Variants in PKHD1 observed in about 807,000 individuals in gnomAD.
The protein encoded by PKHD1 is PKHD1 ciliary IPT domain containing fibrocystin/polyductin.
A neutral mutation model predicts 412.0 loss-of-function variants in PKHD1; 291 were observed. That is an observed-to-expected ratio of 0.71 (90% CI 0.64 to 0.78). The LOEUF is 0.78. Ranked by LOEUF, PKHD1 falls within the 30% of genes least tolerant of loss-of-function variation. The pLI, the probability that PKHD1 is intolerant of heterozygous loss-of-function variation, is 0.00. For missense variants in PKHD1, 4,825 were observed against 4,950.7 expected, an observed-to-expected ratio of 0.97 and a Z score of 0.76; for synonymous variants, 1,777 against 1,821.5, an observed-to-expected ratio of 0.98 and a Z score of 0.62.
At chr6:51,860,361 T>G (rs1210710120) in intron 48 of PKHD1, among the ~76,000 whole-genome samples, 3 of 152,166 alleles carry the variant, frequency 2.0e-5, no homozygotes, top group Non-Finnish European at 2.9e-5. Flanking sequence ...TGGAGGGGTC[T>G]TCTGAAAAGC....
chr6:52,000,116 A>G (rs544308900), intron 35 of PKHD1, among the ~76,000 whole-genome samples: 1 of 152,366 alleles, frequency 6.6e-6, no homozygotes, highest in African/African-American at 2.4e-5. Context: ...ATAAAATAAC[A>G]TATTGACATA....
intron 37 of PKHD1, among the ~76,000 whole-genome samples, chr6:51,928,887 G>C (rs1370031945): frequency 6.6e-6 from 1 of 152,104 alleles, no homozygotes; most frequent in African/African-American, 2.4e-5. Flanking sequence ...CCTGCGTTTT[G>C]ATTACAAGAA....
chr6:52,083,962 C>A (rs1582163945), intron 2 of PKHD1, among the ~76,000 whole-genome samples: 1 of 151,446 alleles, frequency 6.6e-6, no homozygotes, highest in Admixed American at 6.6e-5. Flanking sequence ...CTGGAATTTC[C>A]TTTTGTTTAA....
chr6:51,945,774 G>C (rs1248800746), intron 36 of PKHD1, among the ~76,000 whole-genome samples: 1 of 152,154 alleles, frequency 6.6e-6, no homozygotes, highest in Admixed American at 6.5e-5. Flanking sequence ...AGCAGAATGT[G>C]GCTAAGAGGC....
intron 23 of PKHD1, among the ~76,000 whole-genome samples, 174 bp downstream of exon 23, chr6:52,048,318 A>G (rs1806187354): frequency 1.3e-5 from 2 of 152,226 alleles, no homozygotes; most frequent in African/African-American, 2.4e-5. Context: ...AGCATTAACA[A>G]TAAGTCCCTT....
intron 53 of PKHD1, among the ~76,000 whole-genome samples, chr6:51,789,831 A>C (rs1255823417): frequency 2.0e-5 from 3 of 152,228 alleles, no homozygotes; most frequent in African/African-American, 7.2e-5. Context: ...ATGAAGGGCT[A>C]TAGAATTAAA....
intron 36 of PKHD1, among the ~76,000 whole-genome samples, chr6:51,946,612 C>T (rs1011216627): frequency 6.6e-6 from 1 of 152,144 alleles, no homozygotes; most frequent in South Asian, 2.1e-4. Context: ...AAATAAAGAG[C>T]AGGGCTGAAA....
intron 35 of PKHD1, among the ~76,000 whole-genome samples, chr6:51,977,279 C>G (rs1036199350): frequency 1.3e-5 from 2 of 152,130 alleles, no homozygotes; most frequent in Non-Finnish European, 2.9e-5. Flanking sequence ...GTTTGCACAC[C>G]TTGTTTCTGT....
intron 60 of PKHD1, among the ~76,000 whole-genome samples, chr6:51,701,197 A>G (rs567331505): frequency 3.3e-5 from 5 of 152,154 alleles, no homozygotes; most frequent in Non-Finnish European, 7.4e-5. Flanking sequence ...TTTGCTATAT[A>G]GTTTCCTAAT....
intron 35 of PKHD1, among the ~76,000 whole-genome samples, chr6:51,982,874 ATAAAATAAAATAAAAT>A (rs1327386921): frequency 7.9e-4 from 84 of 106,504 alleles, no homozygotes; most frequent in African/African-American, 2.1e-3. Flanking sequence ...ATAAAATAAA[ATAAAATAAAATAAAAT>A]AAAAAAAAGA....
In PKHD1 at chr6:51,791,358, A is replaced by C. The variant is rs1471306684; in HGVS notation, c.8318T>G (p.Val2773Gly). 3 of 1,613,564 alleles carry C rather than the reference A, an allele frequency of 1.9e-6. No homozygotes were observed. The highest frequency in any genetic ancestry group is 2.5e-6 in the Non-Finnish European group (3 of 1,179,626). Residue 2773 changes from valine to glycine, a missense_variant, in exon 53 of 67, where the codon GTG becomes GGG. By Grantham distance (109) the Val-to-Gly change is moderately radical. Transcript: ENST00000371117. ...TTTGAAGAATGGAAGATCTGTATCC[A>C]CAAGGACAGTTCTGTCTGTGGAAGA... Reference protein sequence around the residue: ...VLILPNRTVLVDTDLPFFKGL... With the variant: ...VLILPNRTVLGDTDLPFFKGL...
intron 60 of PKHD1, among the ~76,000 whole-genome samples, chr6:51,716,414 T>C (rs1204531179): frequency 6.6e-6 from 1 of 152,128 alleles, no homozygotes. Flanking sequence ...AATACACAAA[T>C]GTAATACAAT....
chr6:51,957,027 T>C (rs754410918), intron 36 of PKHD1, among the ~76,000 whole-genome samples: 3 of 152,094 alleles, frequency 2.0e-5, no homozygotes, highest in Admixed American at 6.6e-5. Flanking sequence ...CTTTACCATA[T>C]AGCATAAAAG....
intron 37 of PKHD1, among the ~76,000 whole-genome samples, chr6:51,932,301 G>A (rs1052989271): frequency 8.5e-5 from 13 of 152,332 alleles, no homozygotes; most frequent in South Asian, 6.2e-4. Context: ...AATAGAGCAT[G>A]ATAATTAGAT....
chr6:51,918,146 A>T (rs1784113881), intron 37 of PKHD1, among the ~76,000 whole-genome samples: 1 of 151,476 alleles, frequency 6.6e-6, no homozygotes, highest in South Asian at 2.1e-4. Context: ...AAAGACCTTA[A>T]GTTGTATTTG....
intron 55 of PKHD1, among the ~76,000 whole-genome samples, chr6:51,760,944 G>T (rs1393210385): frequency 6.6e-6 from 1 of 152,060 alleles, no homozygotes; most frequent in Non-Finnish European, 1.5e-5. Flanking sequence ...AAAGGTTAGT[G>T]AGGATGGAAA....
intron 60 of PKHD1, among the ~76,000 whole-genome samples, chr6:51,669,973 G>T (rs1308698650): frequency 6.6e-6 from 1 of 151,208 alleles, no homozygotes; most frequent in South Asian, 2.1e-4. Context: ...CCAACTATGT[G>T]GTCAATTTTG....
rs773729307 is a variant in PKHD1, at chr6:52,043,675, T to C, written c.2771A>G (p.Gln924Arg). The change falls in exon 26 of 67, where the codon CAG (glutamine) becomes CGG (arginine). Residue 924 changes from glutamine (Q) to arginine (R), a missense_variant. Coordinates refer to ENST00000371117, the MANE Select transcript of PKHD1 (RefSeq NM_138694.4). Reference protein sequence around the residue: ...PAHCPGSCSFQYLQGSTPCVH... With the variant: ...PAHCPGSCSFRYLQGSTPCVH... The stretch of plus-strand genomic sequence containing the variant: ...ACAGGGAGTTGACCCTTGGAGGTAC[T>C]GGAAAGAGCAGGAACCTGGGCAATG... 1.2e-6 allele frequency: 2 copies of C among 1,613,424 alleles called. No individual in the cohort carries two copies. The highest frequency in any genetic ancestry group is 1.7e-6 in the Non-Finnish European group (2 of 1,179,586).
intron 5 of PKHD1, among the ~76,000 whole-genome samples, chr6:52,079,005 T>C (rs1811681093): frequency 6.6e-6 from 1 of 152,236 alleles, no homozygotes; most frequent in Non-Finnish European, 1.5e-5. Context: ...GAGACAAATT[T>C]ACAAGGTGAA....
Sources: gnomAD v4.1 joint callset for allele counts (sites outside exome capture counted in the v4.1 genomes callset) on GRCh38, gnomAD v4.1.1 for gene constraint, MANE v1.5 for transcripts, NCBI Gene and HGNC (gene_info 2026-07-23, HGNC 2026-07-21) for gene names.